DLGAP2: variants seen among roughly 807,000 people sequenced by gnomAD.
DLGAP2 encodes disks large-associated protein 2.
DLGAP2 carries 26 observed loss-of-function variants against 100.3 expected under a neutral mutation model. The observed-to-expected ratio is 0.26, with a 90% CI of 0.19 to 0.36. DLGAP2 has a LOEUF of 0.36. Among genes scored for constraint, DLGAP2 ranks in the 10% least tolerant of loss-of-function variants. DLGAP2 has a pLI of 1.00. For missense variants in DLGAP2, 1,858 were observed against 1,453.2 expected, an observed-to-expected ratio of 1.28 and a Z score of -4.53; for synonymous variants, 886 against 630.1, an observed-to-expected ratio of 1.41 and a Z score of -6.08.
intron 2 of DLGAP2, among the ~76,000 whole-genome samples, chr8:1,036,644 A>G (rs59661592): frequency 0.29 from 44,703 of 151,978 alleles, 7,035 homozygotes; most frequent in African/African-American, 0.41. Flanking sequence ...TGCTTGGTCA[A>G]GGCAGGGCCT....
chr8:824,642 G>A (rs1585903288), intron 1 of DLGAP2, among the ~76,000 whole-genome samples: 1 of 152,060 alleles, frequency 6.6e-6, no homozygotes, highest in East Asian at 1.9e-4. Context: ...TGACCTCCTG[G>A]TGGTTCCGCC....
At chr8:1,675,146 G>C (rs757158676) in intron 10 of DLGAP2, among the ~76,000 whole-genome samples, 1 of 152,212 alleles carries the variant, frequency 6.6e-6, no homozygotes, top group Non-Finnish European at 1.5e-5. Context: ...CCGCTTCTGC[G>C]CCTGTCTTCA....
At chr8:1,421,693 C>G (rs1034036081) in intron 3 of DLGAP2, among the ~76,000 whole-genome samples, 40 of 152,302 alleles carry the variant, frequency 2.6e-4, no homozygotes, top group African/African-American at 9.4e-4. Context: ...AGGCTAGGCA[C>G]AGTGGCTCAC....
chr8:760,358 C>T (rs2132588791), intron 1 of DLGAP2, among the ~76,000 whole-genome samples: 1 of 152,280 alleles, frequency 6.6e-6, no homozygotes. Context: ...ACCCTTTCAT[C>T]TCTCTCCTGG....
chr8:998,662 G>A (rs1800855935), intron 2 of DLGAP2, among the ~76,000 whole-genome samples: 1 of 152,044 alleles, frequency 6.6e-6, no homozygotes, highest in Non-Finnish European at 1.5e-5. Context: ...GTTCTTTTCT[G>A]CATGGGTCAT....
intron 2 of DLGAP2, among the ~76,000 whole-genome samples, chr8:1,110,402 G>C (rs1026250629): frequency 1.3e-5 from 2 of 149,076 alleles, no homozygotes; most frequent in African/African-American, 2.5e-5. Flanking sequence ...GGATCTGTGA[G>C]GTGTGCATGG....
chr8:1,198,195 A>G (rs1282884977), intron 2 of DLGAP2, among the ~76,000 whole-genome samples: 1 of 152,098 alleles, frequency 6.6e-6, no homozygotes, highest in Non-Finnish European at 1.5e-5. Context: ...TGCGGCGAAA[A>G]GGAGCAATTT....
intron 2 of DLGAP2, among the ~76,000 whole-genome samples, chr8:1,004,505 G>C (rs1471364263): frequency 3.9e-5 from 6 of 152,184 alleles, no homozygotes; most frequent in Admixed American, 6.5e-5. Flanking sequence ...GCCACAATCA[G>C]GGTTGGAAGT....
chr8:1,267,625 AATATTAAATAGG>A (rs1311493159), intron 3 of DLGAP2, among the ~76,000 whole-genome samples: 2 of 127,428 alleles, frequency 1.6e-5, no homozygotes, highest in African/African-American at 7.4e-5. Flanking sequence ...AGATAAGATA[AATATTAAATAGG>A]TCTACAAAAA....
At chr8:1,644,923 G>A (rs1563277387) in intron 8 of DLGAP2, among the ~76,000 whole-genome samples, 1 of 151,904 alleles carries the variant, frequency 6.6e-6, no homozygotes, top group Non-Finnish European at 1.5e-5. Context: ...CTCTCTTAGG[G>A]AAAAAAAACT....
rs140366864 is a variant in DLGAP2 at position 1,279,940 on chromosome 8, C to T, written c.106+21057C>T. 6.4e-3 allele frequency among the ~76,000 whole-genome samples: 980 copies of T among 152,272 alleles called. 5 individuals are homozygous for T. The highest frequency in any genetic ancestry group is 9.9e-3 in the Admixed American group (152 of 15,296). ...ACACACAGGCTTGAGAACCAGGAGG[C>T]GCAGAGCCCAGGAGGTGCCTATGTT... is the stretch of plus-strand genomic sequence containing the variant. On this transcript the variant is annotated intron_variant, in intron 3 of 14. Coordinates refer to ENST00000637795, the MANE Select transcript of DLGAP2 (RefSeq NM_001346810.2).
intron 4 of DLGAP2, among the ~76,000 whole-genome samples, chr8:1,507,111 G>A (rs559180886): frequency 6.6e-5 from 10 of 152,346 alleles, no homozygotes; most frequent in Middle Eastern, 3.4e-3. Context: ...TTCACCTAGC[G>A]GATCCTGCGC....
At chr8:1,391,669 G>C (rs945458000) in intron 3 of DLGAP2, among the ~76,000 whole-genome samples, 3 of 152,252 alleles carry the variant, frequency 2.0e-5, no homozygotes. Flanking sequence ...AAAAGGTTTA[G>C]AGGGCAGAGG....
rs1268636743 is a variant in DLGAP2 at position 1,626,809 on chromosome 8, C to T, written c.1512C>T (p.Asn504=). The change falls in exon 7 of 15, where the codon AAC becomes AAT. Residue 504 remains asparagine (N), a synonymous_variant. Coordinates refer to ENST00000637795, the MANE Select transcript of DLGAP2 (RefSeq NM_001346810.2). ...GCCTGGACCCCGCTGCGAACTACAA[C>T]TCCCCGAAATTCCGCTCCCGGAACC... is the stretch of plus-strand genomic sequence containing the variant. ...GHSLDPAANY[N]SPKFRSRNQS... 6 of 1,604,916 alleles carry T rather than the reference C, an allele frequency of 3.7e-6. No individual in the cohort carries two copies. Among genetic ancestry groups the T allele is most frequent in the Non-Finnish European group, 5.1e-6 (6 of 1,176,112 alleles).
chr8:1,349,953 T>C (rs915724160), intron 3 of DLGAP2, among the ~76,000 whole-genome samples: 1 of 152,258 alleles, frequency 6.6e-6, no homozygotes, highest in Non-Finnish European at 1.5e-5. Flanking sequence ...ACAAATATGC[T>C]GTACTTTACA....
intron 1 of DLGAP2, among the ~76,000 whole-genome samples, chr8:778,654 G>T (rs1383401337): frequency 6.6e-6 from 1 of 152,198 alleles, no homozygotes; most frequent in Non-Finnish European, 1.5e-5. Context: ...AGGCTGCTCA[G>T]GGGTCAGGGG....
intron 8 of DLGAP2, among the ~76,000 whole-genome samples, chr8:1,656,180 A>T (rs868618682): frequency 6.6e-6 from 1 of 152,240 alleles, no homozygotes; most frequent in Middle Eastern, 3.4e-3. Context: ...AAAATTAGCC[A>T]GGCGTGGTAC....
At chr8:1,316,059 G>C (rs79647437) in intron 3 of DLGAP2, among the ~76,000 whole-genome samples, 4 of 128,166 alleles carry the variant, frequency 3.1e-5, no homozygotes, top group East Asian at 2.3e-4. Context: ...AAAATAGAGC[G>C]TGTGTGAGTG....
intron 3 of DLGAP2, among the ~76,000 whole-genome samples, chr8:1,312,569 A>G (rs369241023): frequency 6.6e-6 from 1 of 152,240 alleles, no homozygotes; most frequent in Non-Finnish European, 1.5e-5. Context: ...CTGAATGATT[A>G]TAGAGGTTCT....
Sources: allele counts gnomAD v4.1 joint callset (sites outside exome capture counted in the v4.1 genomes callset), GRCh38; gene constraint gnomAD v4.1.1; transcripts MANE v1.5; gene names NCBI Gene and HGNC (gene_info 2026-07-23, HGNC 2026-07-21).